Variants in DGKB observed in about 807,000 individuals in gnomAD.
DGKB encodes 90 kDa diacylglycerol kinase.
Under a neutral mutation model 114.3 loss-of-function variants are expected in DGKB, and 67 were observed. The ratio of observed to expected loss-of-function variants is 0.59; its 90% CI spans 0.48 to 0.72. The LOEUF (loss-of-function observed/expected upper bound fraction) is 0.72, where lower values mean the gene tolerates loss of function less well. Among genes scored for constraint, DGKB ranks in the 30% least tolerant of loss-of-function variants. The pLI, the probability that DGKB is intolerant of heterozygous loss-of-function variation, is 0.00. For synonymous variants in DGKB, 398 were observed against 323.1 expected, an observed-to-expected ratio of 1.23 and a Z score of -2.49; for missense variants, 907 against 975.2, an observed-to-expected ratio of 0.93 and a Z score of 0.93.
intron 20 of DGKB, among the ~76,000 whole-genome samples, chr7:14,552,879 G>A (rs1271144148): frequency 6.6e-6 from 1 of 152,168 alleles, no homozygotes; most frequent in Non-Finnish European, 1.5e-5. Context: ...ACATGATAAG[G>A]CAGGGTCAGC....
intron 1 of DGKB, among the ~76,000 whole-genome samples, chr7:14,936,400 C>T (rs1785273157): frequency 6.6e-6 from 1 of 151,958 alleles, no homozygotes; most frequent in Non-Finnish European, 1.5e-5. Context: ...GTACACTGTC[C>T]CCAGTTTTAG....
At chr7:14,572,894 T>A (rs1798601969) in intron 20 of DGKB, among the ~76,000 whole-genome samples, 1 of 152,176 alleles carries the variant, frequency 6.6e-6, no homozygotes, top group Non-Finnish European at 1.5e-5. Flanking sequence ...AAGTCCTTTG[T>A]GAGATTTTAG....
At chr7:14,481,984 T>TA (rs1215789763) in intron 20 of DGKB, among the ~76,000 whole-genome samples, 2 of 152,008 alleles carry the variant, frequency 1.3e-5, no homozygotes, top group African/African-American at 4.8e-5. Flanking sequence ...TCATTCATAT[T>TA]TCTTCTTATG....
At chr7:14,291,772 G>A (rs1162511830) in intron 23 of DGKB, among the ~76,000 whole-genome samples, 1 of 152,152 alleles carries the variant, frequency 6.6e-6, no homozygotes, top group African/African-American at 2.4e-5. Flanking sequence ...AATGAAAGCA[G>A]AAAATACCAC....
chr7:14,167,426 T>C (rs1182823442), intron 25 of DGKB, among the ~76,000 whole-genome samples: 3 of 151,906 alleles, frequency 2.0e-5, no homozygotes, highest in South Asian at 2.1e-4. Flanking sequence ...TCGAGAAATA[T>C]ATGACAAAGT....
chr7:14,585,986 C>G (rs911496661), intron 17 of DGKB, among the ~76,000 whole-genome samples: 2 of 152,078 alleles, frequency 1.3e-5, no homozygotes, highest in Admixed American at 6.6e-5. Flanking sequence ...TTCCCTTAGA[C>G]ACAACAGTAT....
chr7:14,486,824 A>G (rs1466786135), intron 20 of DGKB, among the ~76,000 whole-genome samples: 3 of 152,182 alleles, frequency 2.0e-5, no homozygotes, highest in Admixed American at 1.3e-4. Context: ...TAAAGTATTG[A>G]CAATTATTAA....
At chr7:14,153,823 C>T (rs551145402) in intron 25 of DGKB, among the ~76,000 whole-genome samples, 11 of 151,974 alleles carry the variant, frequency 7.2e-5, no homozygotes, top group South Asian at 2.1e-4. Flanking sequence ...AAAACATTAG[C>T]GCTAGAAGAC....
At chr7:14,418,336 T>TAC (rs1421491012) in intron 21 of DGKB, among the ~76,000 whole-genome samples, 1 of 82,916 alleles carries the variant, frequency 1.2e-5, no homozygotes, top group African/African-American at 3.7e-5. Context: ...TGTATATATA[T>TAC]ACACACACAT....
chr7:14,475,951 T>C (rs28688847), intron 21 of DGKB, among the ~76,000 whole-genome samples: 10,825 of 152,038 alleles, frequency 0.071, 1,208 homozygotes, highest in African/African-American at 0.24. Flanking sequence ...TAATAAATAT[T>C]GGCATTCTTA....
At chr7:14,799,523 C>T (rs1450547729) in intron 2 of DGKB, among the ~76,000 whole-genome samples, 1 of 152,220 alleles carries the variant, frequency 6.6e-6, no homozygotes, top group Non-Finnish European at 1.5e-5. Context: ...CATTCTGTCT[C>T]AATGGGATTT....
At position 14,936,357 on chromosome 7, in the gene DGKB, T is replaced by G. The variant is rs560615095; in HGVS notation, c.-188+38339A>C. Among the ~76,000 whole-genome samples, 4 of 152,290 alleles carry G rather than the reference T, an allele frequency of 2.6e-5. No homozygotes were observed. In the South Asian group the frequency reaches 8.3e-4, roughly 32 times the overall value. ...AATTGAGCATGAGGTCATTACTTTT[T>G]GGAAACTAACATGGGAGGTACATAA... On this transcript the variant is annotated intron_variant, in intron 1 of 4. Transcript: ENST00000437998.
chr7:14,728,665 C>CA (rs1564030486), intron 5 of DGKB, among the ~76,000 whole-genome samples: 2 of 151,540 alleles, frequency 1.3e-5, no homozygotes, highest in East Asian at 3.9e-4. Flanking sequence ...CCCACATTCC[C>CA]AGTCATCTTC....
chr7:14,582,837 G>C (rs1368274506), intron 18 of DGKB, among the ~76,000 whole-genome samples: 1 of 152,126 alleles, frequency 6.6e-6, no homozygotes, highest in African/African-American at 2.4e-5. Context: ...GTAAGAAGTG[G>C]ATTAGAAAGG....
At chr7:14,281,501 C>A (rs2128455687) in intron 23 of DGKB, among the ~76,000 whole-genome samples, 1 of 146,694 alleles carries the variant, frequency 6.8e-6, no homozygotes, top group African/African-American at 2.7e-5. Context: ...CAGCTCTGCA[C>A]CAAGCGGACC....
chr7:14,271,901 G>T (rs187320776), intron 23 of DGKB, among the ~76,000 whole-genome samples: 1 of 152,142 alleles, frequency 6.6e-6, no homozygotes, highest in Admixed American at 6.5e-5. Context: ...CCAACATTTT[G>T]CTAATGAGGA....
chr7:14,418,668 G>C (rs1229802451), intron 21 of DGKB, among the ~76,000 whole-genome samples: 1 of 151,796 alleles, frequency 6.6e-6, no homozygotes, highest in East Asian at 1.9e-4. Flanking sequence ...GTTGAAAAAT[G>C]GGTTAGGCTT....
chr7:14,884,771 T>C (rs912253009), intron 1 of DGKB, among the ~76,000 whole-genome samples: 12 of 151,980 alleles, frequency 7.9e-5, no homozygotes, highest in African/African-American at 2.4e-4. Flanking sequence ...CCAAAGGCCA[T>C]TGTCAGAATT....
At chr7:14,312,801 G>A (rs543169564) in intron 23 of DGKB, among the ~76,000 whole-genome samples, 1 of 152,286 alleles carries the variant, frequency 6.6e-6, no homozygotes, top group East Asian at 1.9e-4. Context: ...ACAACTGACA[G>A]TATTTGTTCC....
Sources: allele counts gnomAD v4.1 joint callset (sites outside exome capture counted in the v4.1 genomes callset), GRCh38; gene constraint gnomAD v4.1.1; transcripts MANE v1.5; gene names NCBI Gene and HGNC (gene_info 2026-07-23, HGNC 2026-07-21).